Variants in CRACDL observed in about 807,000 individuals in gnomAD.
The protein encoded by CRACDL is CRACD like.
Under a neutral mutation model 70.6 loss-of-function variants are expected in CRACDL, and 26 were observed. The observed-to-expected ratio is 0.37, with a 90% CI of 0.27 to 0.51. The LOEUF (loss-of-function observed/expected upper bound fraction) is 0.51, where lower values mean the gene tolerates loss of function less well. Ranked by LOEUF, CRACDL falls within the 20% of genes least tolerant of loss-of-function variation. CRACDL has a pLI of 0.94. For synonymous variants in CRACDL, 618 were observed against 615.2 expected (o/e 1.00, Z -0.07); for missense variants, 1,283 against 1,376.9 (o/e 0.93, Z 1.08).
chr2:98,818,124 T>C (rs978996400), intron 7 of CRACDL, among the ~76,000 whole-genome samples: 5 of 152,218 alleles, frequency 3.3e-5, no homozygotes, highest in Non-Finnish European at 5.9e-5. Flanking sequence ...GGATGCATAA[T>C]GTTCTGCACA....
intron 3 of CRACDL, among the ~76,000 whole-genome samples, chr2:98,837,645 A>G (rs1705855088): frequency 6.6e-6 from 1 of 152,058 alleles, no homozygotes; most frequent in South Asian, 2.1e-4. Flanking sequence ...GTTCTTTATG[A>G]TATTTTTGGA....
intron 1 of CRACDL, among the ~76,000 whole-genome samples, chr2:98,929,680 T>C (rs1709022224): frequency 6.6e-6 from 1 of 152,004 alleles, no homozygotes; most frequent in Non-Finnish European, 1.5e-5. Context: ...CTATGCCCAA[T>C]CTCAAAACCC....
chr2:98,856,448 A>G (rs1706699936), intron 1 of CRACDL, among the ~76,000 whole-genome samples: 2 of 152,000 alleles, frequency 1.3e-5, no homozygotes, highest in Admixed American at 1.3e-4. Context: ...GACCTGTCTT[A>G]CAATAAATAT....
intron 1 of CRACDL, among the ~76,000 whole-genome samples, chr2:98,915,867 G>A (rs1708651781): frequency 6.6e-6 from 1 of 152,132 alleles, no homozygotes; most frequent in South Asian, 2.1e-4. Flanking sequence ...TCAAAGCTCT[G>A]ACCATGAGGA....
chr2:98,824,633 T>A (rs1705232702), intron 6 of CRACDL, among the ~76,000 whole-genome samples: 1 of 152,098 alleles, frequency 6.6e-6, no homozygotes, highest in East Asian at 1.9e-4. Context: ...ACACCAAGAG[T>A]CACCCAGGCT....
At chr2:98,854,057 G>C (rs1486414604) in intron 1 of CRACDL, among the ~76,000 whole-genome samples, 1 of 152,150 alleles carries the variant, frequency 6.6e-6, no homozygotes, top group Non-Finnish European at 1.5e-5. Flanking sequence ...GCCGAGGTGG[G>C]TGGATCACGA....
chr2:98,820,757 C>T (rs1440961303), intron 7 of CRACDL, among the ~76,000 whole-genome samples: 2 of 152,224 alleles, frequency 1.3e-5, no homozygotes, highest in Non-Finnish European at 1.5e-5. Context: ...CCCAATCTCC[C>T]TTTCAGGACA....
At chr2:98,847,910 C>T (rs1225078034) in intron 1 of CRACDL, among the ~76,000 whole-genome samples, 1 of 152,156 alleles carries the variant, frequency 6.6e-6, no homozygotes, top group African/African-American at 2.4e-5. Flanking sequence ...CCCGAGTTGG[C>T]TCTAATATTT....
At chr2:98,866,748 C>A (rs1367040616) in intron 1 of CRACDL, among the ~76,000 whole-genome samples, 1 of 151,914 alleles carries the variant, frequency 6.6e-6, no homozygotes, top group African/African-American at 2.4e-5. Context: ...CCGCCTCAGC[C>A]TCCCAAAGTG....
intron 1 of CRACDL, among the ~76,000 whole-genome samples, chr2:98,920,403 C>A (rs1256429869): frequency 1.3e-5 from 2 of 152,190 alleles, no homozygotes; most frequent in African/African-American, 4.8e-5. Flanking sequence ...GTCTCTGCAG[C>A]TTTCACAAAT....
chr2:98,822,454 A>G lies in CRACDL; in HGVS notation c.1819T>C (p.Trp607Arg). Residue 607 changes from tryptophan (W) to arginine (R), a missense_variant, in exon 7 of 10, where the codon TGG becomes CGG. By Grantham distance (101) the Trp-to-Arg change is moderately radical (BLOSUM62 -3). Coordinates refer to ENST00000397899, the MANE Select transcript of CRACDL (RefSeq NM_207362.3). The surrounding 1 kb of genome is among the most constrained non-coding windows in gnomAD (Gnocchi z 4.9). Reference protein sequence around the residue: ...RLPLARSGPVWRSEAALDDLQ... With the variant: ...RLPLARSGPVRRSEAALDDLQ... ...TCGTCAAGAGCCGCCTCGCTCCTCC[A>G]GACCGGGCCGCTCCTCGCGAGGGGC... 6.8e-7 allele frequency: 1 copy of G among 1,480,246 alleles called. No individual in the cohort carries two copies. Among genetic ancestry groups the G allele is most frequent in the Non-Finnish European group, 8.9e-7 (1 of 1,123,536 alleles). The allele number at this position is 1,480,246 out of a possible 1,614,324, so 91.7% of individuals were successfully genotyped here. A position where few individuals can be genotyped will look rare whatever the true frequency, so the allele number is the denominator to read the frequency against.
intron 1 of CRACDL, among the ~76,000 whole-genome samples, chr2:98,848,359 G>A (rs1241546823): frequency 6.6e-6 from 1 of 152,146 alleles, no homozygotes; most frequent in Non-Finnish European, 1.5e-5. Context: ...GTCCTTTAGA[G>A]GTGGTAGCTG....
Position 98,823,061 on chromosome 2 carries a change from G to T in CRACDL, c.1212C>A (p.Thr404=), listed in dbSNP as rs774681646. The T allele has an allele frequency of 3.0e-5, 47 of 1,567,784 alleles. No homozygotes were observed. Among genetic ancestry groups the T allele is most frequent in the Non-Finnish European group, 4.0e-5 (46 of 1,160,124 alleles). ...APEDVASPFP[T]AIPEGDTTPP... ...GAGTCGTGTCCCCCTCAGGGATGGC[G>T]GTGGGAAACGGGCTCGCGACGTCTT... The change falls in exon 7 of 10, where the codon ACC becomes ACA. Residue 404 remains threonine (T), a synonymous_variant. Coordinates refer to ENST00000397899, the MANE Select transcript of CRACDL (RefSeq NM_207362.3). The surrounding 1 kb of genome is among the most constrained non-coding windows in gnomAD (Gnocchi z 4.0).
intron 1 of CRACDL, among the ~76,000 whole-genome samples, chr2:98,910,125 G>A (rs1708511737): frequency 6.6e-6 from 1 of 152,124 alleles, no homozygotes; most frequent in African/African-American, 2.4e-5. Flanking sequence ...GCCGATTTCA[G>A]AGACCTCTTA....
intron 1 of CRACDL, among the ~76,000 whole-genome samples, chr2:98,902,854 A>G (rs1708315911): frequency 1.3e-5 from 2 of 152,194 alleles, no homozygotes; most frequent in South Asian, 4.2e-4. Context: ...CAAGGTAGGC[A>G]AAGAAGCCCC....
chr2:98,887,070 T>C (rs1707816750), intron 1 of CRACDL, among the ~76,000 whole-genome samples: 1 of 152,164 alleles, frequency 6.6e-6, no homozygotes, highest in East Asian at 1.9e-4. Flanking sequence ...AAAGTACAAT[T>C]ACTGAAATTT....
At chr2:98,842,752 T>A (rs1189467851) in intron 2 of CRACDL, among the ~76,000 whole-genome samples, 2 of 152,214 alleles carry the variant, frequency 1.3e-5, no homozygotes, top group Non-Finnish European at 1.5e-5. Flanking sequence ...TATTCCTTTT[T>A]ATTGCTGAGT....
At chr2:98,907,330 A>G (rs1332292316) in intron 1 of CRACDL, among the ~76,000 whole-genome samples, 2 of 152,130 alleles carry the variant, frequency 1.3e-5, no homozygotes, top group Admixed American at 1.3e-4. Context: ...AAAAACTCTT[A>G]GTCTCCCAGC....
chr2:98,821,237 G>C (rs1705014066), intron 7 of CRACDL, among the ~76,000 whole-genome samples: 1 of 152,118 alleles, frequency 6.6e-6, no homozygotes, highest in African/African-American at 2.4e-5. Flanking sequence ...ACCCAGGCTG[G>C]AGTGCATGGC....
Sources: gnomAD v4.1 joint callset for allele counts (sites outside exome capture counted in the v4.1 genomes callset) on GRCh38, gnomAD v4.1.1 for gene constraint, Gnocchi (gnomAD v3.1) non-coding constraint, MANE v1.5 for transcripts, NCBI Gene and HGNC (gene_info 2026-07-23, HGNC 2026-07-21) for gene names.